ADAM12: variants seen among roughly 807,000 people sequenced by gnomAD.
The protein encoded by ADAM12 is disintegrin and metalloproteinase domain-containing protein 12.
A neutral mutation model predicts 106.4 loss-of-function variants in ADAM12; 70 were observed. The observed-to-expected ratio is 0.66, with a 90% CI of 0.54 to 0.80. ADAM12 has a LOEUF of 0.80. ADAM12 is among the 30% of genes least tolerant of loss of function. The probability of loss-of-function intolerance (pLI) is 0.00; values close to 1 mark genes in which losing one functional copy is unlikely to be tolerated. For synonymous variants in ADAM12, 420 were observed against 433.5 expected (o/e 0.97, Z 0.39); for missense variants, 1,010 against 1,171.9 (o/e 0.86, Z 2.02).
chr10:126,358,708 T>C (rs1716481807), intron 1 of ADAM12, among the ~76,000 whole-genome samples: 1 of 152,230 alleles, frequency 6.6e-6, no homozygotes, highest in Admixed American at 6.5e-5. Context: ...AAATTGTTGC[T>C]GTTTGTTGAT....
chr10:126,174,591 T>C (rs1225155317), intron 3 of ADAM12, among the ~76,000 whole-genome samples: 1 of 152,198 alleles, frequency 6.6e-6, no homozygotes, highest in African/African-American at 2.4e-5. Context: ...TTTTTTACCC[T>C]ATTCAGGGTG....
chr10:126,132,915 A>AG (rs1471593167), intron 5 of ADAM12, among the ~76,000 whole-genome samples: 1 of 152,018 alleles, frequency 6.6e-6, no homozygotes, highest in African/African-American at 2.4e-5. Context: ...CAGGAATTCA[A>AG]GCACTGGTTT....
At chr10:126,263,770 A>G (rs908097472) in intron 3 of ADAM12, among the ~76,000 whole-genome samples, 2 of 152,206 alleles carry the variant, frequency 1.3e-5, no homozygotes, top group African/African-American at 2.4e-5. Flanking sequence ...CAGTTCCTAC[A>G]TGTAAAATTA....
At position 126,053,479 on chromosome 10, in the gene ADAM12, C is replaced by T. The variant is rs1954556650; in HGVS notation, c.1610-3810G>A. Among the ~76,000 whole-genome samples, 1 of 152,116 alleles carries T rather than the reference C, an allele frequency of 6.6e-6. No homozygotes were observed. Among genetic ancestry groups the T allele is most frequent in the Non-Finnish European group, 1.5e-5 (1 of 68,028 alleles). ...AAGGCCACCTGGCATTTCAGGAGCACCGCCATTCTCCCAAAGACAAACCCT... is the reference window on the plus strand; with the variant it reads ...AAGGCCACCTGGCATTTCAGGAGCATCGCCATTCTCCCAAAGACAAACCCT... On this transcript the variant is annotated intron_variant, in intron 14 of 22. Coordinates refer to ENST00000448723, the MANE Select transcript of ADAM12 (RefSeq NM_001288973.2). The surrounding 1 kb of genome is among the most constrained non-coding windows in gnomAD (Gnocchi z 4.6).
chr10:126,022,229 C>T (rs1214122929), intron 21 of ADAM12, among the ~76,000 whole-genome samples: 1 of 152,170 alleles, frequency 6.6e-6, no homozygotes, highest in African/African-American at 2.4e-5. Context: ...ATTAATCACA[C>T]TCTCTCAGGC....
At chr10:126,278,849 A>G in intron 3 of ADAM12, 66 bp downstream of exon 3, 1 of 1,227,932 alleles carries the variant, frequency 8.1e-7, no homozygotes, top group African/African-American at 1.5e-5. Flanking sequence ...CATAAATCAC[A>G]GAGCACTTTT....
In ADAM12 at chr10:126,330,954, C is replaced by A. The variant is rs942159537; in HGVS notation, c.89-445G>T. ...GAATCTGTTAAACATAATGCCAATT[C>A]TCCTCTCTGCACTTATGGAGTCTAA... On this transcript the variant is annotated intron_variant, in intron 1 of 22. Coordinates refer to ENST00000448723, the MANE Select transcript of ADAM12 (RefSeq NM_001288973.2). Among the ~76,000 whole-genome samples the A allele has an allele frequency of 9.2e-5, 14 of 152,290 alleles. No homozygotes were observed. In the East Asian group the frequency reaches 2.7e-3, roughly 29 times the overall value.
At position 126,078,705 on chromosome 10, in the gene ADAM12, A is replaced by T. The variant is rs188760036; in HGVS notation, c.1146-7051T>A. 3.6e-3 allele frequency among the ~76,000 whole-genome samples: 550 copies of T among 152,116 alleles called. 4 individuals carry two copies. The highest frequency in any genetic ancestry group is 0.012 in the African/African-American group (518 of 41,484). On this transcript the variant is annotated intron_variant, in intron 11 of 22. Coordinates refer to ENST00000448723, the MANE Select transcript of ADAM12 (RefSeq NM_001288973.2). ...CTCATGGTAATATTTTTCTTCTTTT[A>T]TACTTTTTTTTGAATTTAAAATTTT...
chr10:126,255,054 C>T (rs977912973), intron 3 of ADAM12, among the ~76,000 whole-genome samples: 2 of 152,164 alleles, frequency 1.3e-5, no homozygotes, highest in Non-Finnish European at 2.9e-5. Context: ...TTCCTGCACC[C>T]GAAGTGGGGT....
At chr10:126,334,562 T>G (rs1293169981) in intron 1 of ADAM12, among the ~76,000 whole-genome samples, 2 of 152,164 alleles carry the variant, frequency 1.3e-5, no homozygotes, top group Non-Finnish European at 1.5e-5. Flanking sequence ...GTTTGTCATT[T>G]TCAGATCTGA....
chr10:126,029,194 T>C (rs1953931615), intron 21 of ADAM12, among the ~76,000 whole-genome samples: 1 of 152,180 alleles, frequency 6.6e-6, no homozygotes, highest in Non-Finnish European at 1.5e-5. Context: ...TGATGATTCC[T>C]CAAAGACCTA....
chr10:126,150,900 T>A (rs1326253250), intron 4 of ADAM12, among the ~76,000 whole-genome samples: 1 of 152,224 alleles, frequency 6.6e-6, no homozygotes, highest in African/African-American at 2.4e-5. Context: ...TGCCCACTTT[T>A]AAAGACCCAG....
chr10:126,029,808 A>T (rs549581077), intron 21 of ADAM12, among the ~76,000 whole-genome samples: 1 of 152,370 alleles, frequency 6.6e-6, no homozygotes, highest in Admixed American at 6.5e-5. Flanking sequence ...TCCTATGAAG[A>T]AAAACATGGA....
At chr10:126,226,018 G>A (rs1958187197) in intron 3 of ADAM12, among the ~76,000 whole-genome samples, 1 of 151,940 alleles carries the variant, frequency 6.6e-6, no homozygotes, top group Non-Finnish European at 1.5e-5. Context: ...ACCCTCAAAG[G>A]GCAGCAGGGA....
At chr10:126,354,435 T>A (rs1256248656) in intron 1 of ADAM12, among the ~76,000 whole-genome samples, 1 of 115,008 alleles carries the variant, frequency 8.7e-6, no homozygotes. Context: ...GCACATGGTA[T>A]CTGGCATGCA....
At chr10:126,321,754 T>C (rs1854102154) in intron 2 of ADAM12, among the ~76,000 whole-genome samples, 1 of 152,194 alleles carries the variant, frequency 6.6e-6, no homozygotes, top group Non-Finnish European at 1.5e-5. Flanking sequence ...AGTCAAGATG[T>C]ATGAAGCAGT....
At chr10:126,153,462 C>T (rs1956763047) in intron 4 of ADAM12, among the ~76,000 whole-genome samples, 1 of 152,164 alleles carries the variant, frequency 6.6e-6, no homozygotes, top group Non-Finnish European at 1.5e-5. Context: ...GGGACAGGCT[C>T]GTCACACTCT....
intron 6 of ADAM12, among the ~76,000 whole-genome samples, chr10:126,114,139 T>C (rs1955936660): frequency 6.6e-6 from 1 of 152,096 alleles, no homozygotes; most frequent in African/African-American, 2.4e-5. Context: ...GTGACTGGCA[T>C]GGGGACAGCA....
At position 126,377,902 on chromosome 10, in the gene ADAM12, C is replaced by T. The variant is rs146642209; in HGVS notation, c.88+10156G>A. ...AATTAAATTCCAGTTATTCTAAAAG[C>T]GAAAAGCAAAAATTTTAAATTTAGA... On this transcript the variant is annotated intron_variant, in intron 1 of 22. Coordinates refer to ENST00000448723, the MANE Select transcript of ADAM12 (RefSeq NM_001288973.2). Among the ~76,000 whole-genome samples the T allele has an allele frequency of 8.2e-4, 125 of 151,872 alleles. 2 individuals are homozygous for T. The highest frequency in any genetic ancestry group is 1.3e-3 in the African/African-American group (54 of 41,460).
Sources: gnomAD v4.1 joint callset for allele counts (sites outside exome capture counted in the v4.1 genomes callset) on GRCh38, gnomAD v4.1.1 for gene constraint, Gnocchi (gnomAD v3.1) non-coding constraint, MANE v1.5 for transcripts, NCBI Gene and HGNC (gene_info 2026-07-23, HGNC 2026-07-21) for gene names.